FBXO2: variants seen among roughly 807,000 people sequenced by gnomAD.
The protein encoded by FBXO2 is F-box only protein 2.
Under a neutral mutation model 38.6 loss-of-function variants are expected in FBXO2, and 32 were observed. The ratio of observed to expected loss-of-function variants is 0.83; its 90% confidence interval spans 0.62 to 1.11. The LOEUF is 1.11. Among genes scored for constraint, FBXO2 ranks in the 50% most tolerant of loss-of-function variants. The pLI, the probability that FBXO2 is intolerant of heterozygous loss-of-function variation, is 0.00. For synonymous variants in FBXO2, 189 were observed against 182.9 expected (o/e 1.03, Z -0.27); for missense variants, 450 against 418.3 (o/e 1.08, Z -0.66).
rs1639509632 is a variant in FBXO2, at chr1:11,650,848, T to C, written c.23-14A>G. 2 of 1,556,896 alleles carry C rather than the reference T, an allele frequency of 1.3e-6. No individual in the cohort carries two copies. Among genetic ancestry groups the C allele is most frequent in the Non-Finnish European group, 1.7e-6 (2 of 1,158,204 alleles). On this transcript the variant is annotated splice_polypyrimidine_tract_variant and intron_variant, in intron 1 of 5. Coordinates refer to ENST00000354287, the MANE Select transcript of FBXO2 (RefSeq NM_012168.6). ...GGCCCACGCTCTCTGCAGGCAGGGATGGGTGGGAGGCTGTGATTCCTCCAC... is the reference window on the plus strand; with the variant it reads ...GGCCCACGCTCTCTGCAGGCAGGGACGGGTGGGAGGCTGTGATTCCTCCAC...
At chr1:11,651,135 T>C (rs116312135) in intron 1 of FBXO2, among the ~76,000 whole-genome samples, 2 of 152,172 alleles carry the variant, frequency 1.3e-5, no homozygotes, top group Non-Finnish European at 2.9e-5. Context: ...ATGGCATCCA[T>C]CTATAGCACT....
intron 2 of FBXO2, 36 bp from the exon 3 acceptor site, chr1:11,650,110 G>C (rs925048520): frequency 6.2e-7 from 1 of 1,611,960 alleles, no homozygotes; most frequent in Non-Finnish European, 8.5e-7. Flanking sequence ...TGGTCACTCA[G>C]TCCCTGCTAA....
chr1:11,649,140 T>C lies in FBXO2; in HGVS notation c.703A>G (p.Ser235Gly), dbSNP rs754760505. 4.4e-6 allele frequency: 7 copies of C among 1,594,398 alleles called. No homozygotes were observed. Among genetic ancestry groups the C allele is most frequent in the Non-Finnish European group, 3.4e-6 (4 of 1,171,284 alleles). The stretch of plus-strand genomic sequence containing the variant: ...TGGGGCACTGCCACCTGCCCGCTGC[T>C]GAACTCAGCCAGCACGTTCTCGTGC... ...SEHENVLAEF[S>G]SGQVAVPQDS... The change falls in exon 5 of 6, where the codon AGC becomes GGC. Residue 235 changes from serine (S) to glycine (G), a missense_variant. Coordinates refer to ENST00000354287, the MANE Select transcript of FBXO2 (RefSeq NM_012168.6).
chr1:11,650,120 AGGCT>A, intron 2 of FBXO2, 46 bp from the exon 3 acceptor site: 2 of 1,607,410 alleles, frequency 1.2e-6, no homozygotes, highest in Admixed American at 3.3e-5. Flanking sequence ...GTCCCTGCTA[AGGCT>A]GGCTCTTGCC....
chr1:11,650,500 C>G lies in FBXO2; in HGVS notation c.357G>C (p.Arg119=). Residue 119 remains arginine (R), a synonymous_variant, in exon 2 of 6, where the codon CGG becomes CGC. Transcript: ENST00000354287. The part of the protein sequence containing the change: ...HWQQFYFLSK[R]RRNLLRNPCG... ...ACGGGTTACGCAGAAGGTTGCGGCG[C>G]CGCTTGCTCAGGAAGTAGAACTGCT... 1.2e-6 allele frequency: 2 copies of G among 1,608,464 alleles called. No individual in the cohort carries two copies. Among genetic ancestry groups the G allele is most frequent in the Non-Finnish European group, 1.7e-6 (2 of 1,178,290 alleles).
At chr1:11,653,295 C>G (rs983971037) in intron 1 of FBXO2, 3 of 152,420 alleles carry the variant, frequency 2.0e-5, no homozygotes, top group Admixed American at 6.5e-5. Flanking sequence ...CAGCTCCCCC[C>G]ACCCTCTCTC....
chr1:11,650,669 G>A lies in FBXO2; in HGVS notation c.188C>T (p.Pro63Leu), dbSNP rs1315305758. The part of the protein sequence containing the change: ...PLLLRVLAAL[P>L]AAELVQACRL... ...GCAGGCCTGCACCAGCTCGGCGGCC[G>A]GCAGTGCGGCCAGCACGCGCAGCAG... is the stretch of plus-strand genomic sequence containing the variant. The change falls in exon 2 of 6, where the codon CCG becomes CTG. Residue 63 changes from proline (P) to leucine (L), a missense_variant. By Grantham distance (98) the Pro-to-Leu change is moderately conservative (BLOSUM62 -3). Coordinates refer to ENST00000354287, the MANE Select transcript of FBXO2 (RefSeq NM_012168.6). The A allele has an allele frequency of 1.3e-6, 2 of 1,544,762 alleles. No individual in the cohort carries two copies. The highest frequency in any genetic ancestry group is 1.4e-5 in the African/African-American group (1 of 72,712).
rs765227103 is a variant in FBXO2 at position 11,650,721 on chromosome 1, A to ATG, written c.135_136insCA (p.Tyr46HisfsTer72). On this transcript the variant is annotated frameshift_variant, in exon 2 of 6. Transcript: ENST00000354287. LOFTEE classifies it high-confidence loss of function. ...AGCGGCTCGGGCAGCTCGTCCAGGT[A>ATG]CGCGGCGGCGGCCGCCGCCTCCTCC... 1.1e-5 allele frequency: 16 copies of ATG among 1,497,754 alleles called. No homozygotes were observed. Among genetic ancestry groups the ATG allele is most frequent in the South Asian group, 8.5e-5 (7 of 81,990 alleles). 92.8% of individuals were successfully genotyped at this position (1,497,754 alleles called of 1,614,324 possible).
chr1:11,649,766 A>C lies in FBXO2; in HGVS notation c.617+13T>G. 3 of 1,612,078 alleles carry C rather than the reference A, an allele frequency of 1.9e-6. No individual in the cohort carries two copies. Among genetic ancestry groups the C allele is most frequent in the Non-Finnish European group, 2.5e-6 (3 of 1,179,282 alleles). ...GCTCCTCCCAGCCCCATGCCACCCC[A>C]GGACCCTCTCACCAGTCCTTCACCA... On this transcript the variant is annotated intron_variant, in intron 4 of 5. Transcript: ENST00000354287.
At position 11,649,222 on chromosome 1, in the gene FBXO2, G is replaced by A; in HGVS notation, c.621C>T (p.Tyr207=). The part of the protein sequence containing the change: ...TQPAIVVKDW[Y]SGRSDAGCLY... Reference sequence around the variant, plus strand: ...GGCAACCAGCGTCGCTGCGGCCCGAGTACCTGCTCAGAGGGAGGGAGCGAG... The same window carrying A: ...GGCAACCAGCGTCGCTGCGGCCCGAATACCTGCTCAGAGGGAGGGAGCGAG... The change falls in exon 5 of 6, where the codon TAC becomes TAT. Residue 207 remains tyrosine (Y), a synonymous_variant. Transcript: ENST00000354287. 1 of 1,341,044 alleles carries A rather than the reference G, an allele frequency of 7.5e-7. No homozygotes were observed. Among genetic ancestry groups the A allele is most frequent in the Non-Finnish European group, 9.9e-7 (1 of 1,005,494 alleles). The allele number at this position is 1,341,044 out of a possible 1,614,324, so 83.1% of individuals were successfully genotyped here. A position where few individuals can be genotyped will look rare whatever the true frequency, so the allele number is the denominator to read the frequency against.
rs1248980281 is a variant in FBXO2 at position 11,649,073 on chromosome 1, T to A, written c.756+14A>T. Reference sequence around the variant, plus strand: ...CCGTGCCCCACCCCTCCGCCCTGGGTCCCCCAGGCTCACCTCCATCCAGCC... The same window carrying A: ...CCGTGCCCCACCCCTCCGCCCTGGGACCCCCAGGCTCACCTCCATCCAGCC... On this transcript the variant is annotated intron_variant, in intron 5 of 5. Coordinates refer to ENST00000354287, the MANE Select transcript of FBXO2 (RefSeq NM_012168.6). 4 of 1,562,486 alleles carry A rather than the reference T, an allele frequency of 2.6e-6. No individual in the cohort carries two copies. In the African/African-American group the frequency reaches 4.1e-5, roughly 16 times the overall value.
intron 4 of FBXO2, 143 bp from the exon 5 acceptor site, chr1:11,649,368 T>G (rs1222382536): frequency 4.3e-6 from 3 of 697,124 alleles, no homozygotes; most frequent in Non-Finnish European, 7.1e-6. Context: ...GCACTGCCAG[T>G]GTTCCCAGTT....
In FBXO2 at chr1:11,650,592, G is replaced by A; in HGVS notation, c.265C>T (p.Leu89=). The A allele has an allele frequency of 1.3e-6, 2 of 1,593,868 alleles. No homozygotes were observed. Among genetic ancestry groups the A allele is most frequent in the Non-Finnish European group, 1.7e-6 (2 of 1,173,272 alleles). Residue 89 remains leucine (L), a synonymous_variant, in exon 2 of 6, where the codon CTG becomes TTG. Transcript: ENST00000354287. Reference sequence around the variant, plus strand: ...AGCCCCTCCTGCTGGCACTTGAGCAGCCACAGCGGGGCGCCGTCCACCAGC... The same window carrying A: ...AGCCCCTCCTGCTGGCACTTGAGCAACCACAGCGGGGCGCCGTCCACCAGC... The part of the protein sequence containing the change: ...KELVDGAPLW[L]LKCQQEGLVP...
chr1:11,654,008 T>C (rs1570225603), intron 1 of FBXO2: 1 of 378,872 alleles, frequency 2.6e-6, no homozygotes, highest in Non-Finnish European at 4.7e-6. Context: ...CCCAGACGCA[T>C]CCCAGGCCCC....
At chr1:11,650,374 C>A (rs1639494161) in intron 2 of FBXO2, 92 bp downstream of exon 2, 1 of 1,508,284 alleles carries the variant, frequency 6.6e-7, no homozygotes, top group South Asian at 1.3e-5. Context: ...GAGCCAGGCG[C>A]TTAATCCCAT....
chr1:11,650,247 C>T (rs1365963676), intron 2 of FBXO2, among the ~76,000 whole-genome samples, 173 bp from the exon 3 acceptor site: 2 of 152,168 alleles, frequency 1.3e-5, no homozygotes, highest in Non-Finnish European at 2.9e-5. Flanking sequence ...GGAGGTATGT[C>T]CCCCATCCCG....
At chr1:11,654,107 T>A (rs1639604523) in intron 1 of FBXO2, 2 of 470,970 alleles carry the variant, frequency 4.2e-6, no homozygotes, top group Non-Finnish European at 7.4e-6. Context: ...AGGAGTTCTC[T>A]CTCCTTGCCA....
At chr1:11,652,003 T>C (rs1200111478) in intron 1 of FBXO2, among the ~76,000 whole-genome samples, 1 of 152,220 alleles carries the variant, frequency 6.6e-6, no homozygotes. Flanking sequence ...CCGGCTGACT[T>C]TTCTTTTTAA....
chr1:11,651,854 C>T (rs1461985114), intron 1 of FBXO2, among the ~76,000 whole-genome samples: 1 of 152,210 alleles, frequency 6.6e-6, no homozygotes, highest in Non-Finnish European at 1.5e-5. Context: ...CATGTGCCAC[C>T]ACGCCTGGCT....
Sources: allele counts gnomAD v4.1 joint callset (sites outside exome capture counted in the v4.1 genomes callset), GRCh38; gene constraint gnomAD v4.1.1; transcripts MANE v1.5; gene names NCBI Gene and HGNC (gene_info 2026-07-23, HGNC 2026-07-21).